MECOM: variants seen among roughly 807,000 people sequenced by gnomAD.
The protein encoded by MECOM is MDS1 and EVI1 complex locus, also known as histone-lysine N-methyltransferase MECOM.
Under a neutral mutation model 116.3 loss-of-function variants are expected in MECOM, and 13 were observed. The ratio of observed to expected loss-of-function variants is 0.11; its 90% CI spans 0.07 to 0.18. The LOEUF (loss-of-function observed/expected upper bound fraction) is 0.18, where lower values mean the gene tolerates loss of function less well. Ranked by LOEUF, MECOM falls within the 10% of genes least tolerant of loss-of-function variation. MECOM has a pLI of 1.00. For synonymous variants in MECOM, 528 were observed against 535.2 expected (o/e 0.99, Z 0.19); for missense variants, 1,299 against 1,509.0 (o/e 0.86, Z 2.31).
intron 1 of MECOM, among the ~76,000 whole-genome samples, chr3:169,422,458 G>A (rs1739929995): frequency 6.6e-6 from 1 of 152,050 alleles, no homozygotes; most frequent in Admixed American, 6.6e-5. Context: ...CAGAGAAAGA[G>A]TAAATTTTCT....
At chr3:169,535,434 A>G (rs1560403892) in intron 1 of MECOM, among the ~76,000 whole-genome samples, 1 of 152,196 alleles carries the variant, frequency 6.6e-6, no homozygotes. Context: ...AAGAAAATAT[A>G]GGTAGAGACA....
intron 2 of MECOM, among the ~76,000 whole-genome samples, chr3:169,291,619 T>G (rs537124974): frequency 1.3e-5 from 2 of 152,146 alleles, no homozygotes; most frequent in Non-Finnish European, 2.9e-5. Flanking sequence ...TTTCTAAAAC[T>G]AAAAGACAAG....
intron 1 of MECOM, among the ~76,000 whole-genome samples, chr3:169,594,130 T>A (rs544599558): frequency 3.6e-5 from 4 of 111,446 alleles, no homozygotes; most frequent in Admixed American, 1.3e-4. Context: ...AGACTCCATC[T>A]CAACGACAAC....
intron 1 of MECOM, 59 bp downstream of exon 1, chr3:169,663,277 A>G: frequency 6.4e-7 from 1 of 1,561,668 alleles, no homozygotes; most frequent in Non-Finnish European, 8.7e-7. Flanking sequence ...CGCTAGAGAC[A>G]GATATGCAAG....
intron 2 of MECOM, among the ~76,000 whole-genome samples, chr3:169,316,655 G>A (rs1001577304): frequency 2.6e-5 from 4 of 152,126 alleles, no homozygotes; most frequent in Non-Finnish European, 5.9e-5. Context: ...AGGCTCAGAT[G>A]ATCCTCCCAC....
At chr3:169,641,999 G>A (rs1467673819) in intron 1 of MECOM, among the ~76,000 whole-genome samples, 1 of 152,216 alleles carries the variant, frequency 6.6e-6, no homozygotes, top group African/African-American at 2.4e-5. Flanking sequence ...ATCTGTCATT[G>A]AGAAAGAACT....
At chr3:169,400,171 A>G (rs903375399) in intron 1 of MECOM, among the ~76,000 whole-genome samples, 4 of 152,190 alleles carry the variant, frequency 2.6e-5, no homozygotes, top group Non-Finnish European at 4.4e-5. Flanking sequence ...ATTATATTAC[A>G]TTTTGAAATA....
chr3:169,207,466 A>C (rs1750090348), intron 2 of MECOM, among the ~76,000 whole-genome samples: 1 of 152,198 alleles, frequency 6.6e-6, no homozygotes, highest in Non-Finnish European at 1.5e-5. Context: ...AATAATATAG[A>C]TATAAGAAAA....
chr3:169,394,863 G>A (rs968069931), intron 1 of MECOM, among the ~76,000 whole-genome samples: 10 of 152,080 alleles, frequency 6.6e-5, no homozygotes, highest in Non-Finnish European at 1.0e-4. Flanking sequence ...CCTGGATCTC[G>A]ACACCATTTC....
At chr3:169,579,635 G>A (rs141084221) in intron 1 of MECOM, among the ~76,000 whole-genome samples, 1 of 152,302 alleles carries the variant, frequency 6.6e-6, no homozygotes, top group African/African-American at 2.4e-5. Context: ...AAAGGGTAAG[G>A]CATTATAGTT....
intron 13 of MECOM, among the ~76,000 whole-genome samples, chr3:169,094,650 C>G (rs1053310983): frequency 2.6e-5 from 4 of 152,156 alleles, no homozygotes; most frequent in African/African-American, 9.7e-5. Flanking sequence ...AGCTGCAGGC[C>G]TTTTACAAAA....
At chr3:169,447,377 A>G (rs1284022728) in intron 1 of MECOM, among the ~76,000 whole-genome samples, 1 of 152,154 alleles carries the variant, frequency 6.6e-6, no homozygotes, top group Non-Finnish European at 1.5e-5. Flanking sequence ...TGAATAATGC[A>G]GGATGTGAGG....
At chr3:169,661,633 C>T (rs1776295070) in intron 1 of MECOM, among the ~76,000 whole-genome samples, 1 of 152,186 alleles carries the variant, frequency 6.6e-6, no homozygotes, top group South Asian at 2.1e-4. Flanking sequence ...GGAAAGGCGC[C>T]TGGGATGACA....
At chr3:169,598,493 A>G (rs1767419872) in intron 1 of MECOM, among the ~76,000 whole-genome samples, 1 of 152,246 alleles carries the variant, frequency 6.6e-6, no homozygotes, top group Admixed American at 6.5e-5. Flanking sequence ...GTAAGAAGAT[A>G]GCAGAACAAA....
intron 1 of MECOM, among the ~76,000 whole-genome samples, chr3:169,429,243 C>CA (rs1214189525): frequency 6.6e-5 from 10 of 152,188 alleles, no homozygotes; most frequent in Non-Finnish European, 1.2e-4. Flanking sequence ...AACTGCTGGA[C>CA]AATTCAATCA....
At chr3:169,146,591 C>T (rs753426818) in intron 2 of MECOM, 77 of 1,372,348 alleles carry the variant, frequency 5.6e-5, no homozygotes, top group Admixed American at 1.5e-4. Context: ...CGCGAGACTG[C>T]GGGCGAGGAG....
intron 2 of MECOM, among the ~76,000 whole-genome samples, chr3:169,317,840 A>C (rs1476616055): frequency 6.6e-6 from 1 of 152,214 alleles, no homozygotes; most frequent in Non-Finnish European, 1.5e-5. Flanking sequence ...AAAAGAACAA[A>C]GCTGGAGGCA....
chr3:169,522,630 C>T (rs547155857), intron 1 of MECOM, among the ~76,000 whole-genome samples: 1 of 152,158 alleles, frequency 6.6e-6, no homozygotes, highest in Admixed American at 6.5e-5. Flanking sequence ...GTATATTAGT[C>T]CTGGGCATTT....
At chr3:169,529,771 G>T (rs1213468505) in intron 1 of MECOM, among the ~76,000 whole-genome samples, 1 of 152,174 alleles carries the variant, frequency 6.6e-6, no homozygotes, top group Non-Finnish European at 1.5e-5. Context: ...CAAGTAAATA[G>T]ATTCCCTGCT....
Sources: gnomAD v4.1 joint callset for allele counts (sites outside exome capture counted in the v4.1 genomes callset) on GRCh38, gnomAD v4.1.1 for gene constraint, MANE v1.5 for transcripts, NCBI Gene and HGNC (gene_info 2026-07-23, HGNC 2026-07-21) for gene names.